ATP8A2: variants seen among roughly 807,000 people sequenced by gnomAD.
The protein encoded by ATP8A2 is ATPase phospholipid transporting 8A2.
ATP8A2 carries 100 observed loss-of-function variants against 165.6 expected under a neutral mutation model. That is an observed-to-expected ratio of 0.60 (90% confidence interval 0.51 to 0.71). The LOEUF is 0.71. Ranked by LOEUF, ATP8A2 falls within the 30% of genes least tolerant of loss-of-function variation. The pLI, the probability that ATP8A2 is intolerant of heterozygous loss-of-function variation, is 0.00. For synonymous variants in ATP8A2, 543 were observed against 548.8 expected (o/e 0.99, Z 0.15); for missense variants, 1,227 against 1,479.5 (o/e 0.83, Z 2.80).
intron 1 of ATP8A2, among the ~76,000 whole-genome samples, chr13:25,413,205 A>G (rs1259785076): frequency 6.6e-6 from 1 of 151,242 alleles, no homozygotes; most frequent in Non-Finnish European, 1.5e-5. Context: ...AATAGAAGTA[A>G]TTCTTCTAGT....
At chr13:25,480,709 C>T (rs1309787574) in intron 2 of ATP8A2, among the ~76,000 whole-genome samples, 3 of 148,134 alleles carry the variant, frequency 2.0e-5, no homozygotes, top group East Asian at 2.0e-4. Flanking sequence ...ACATCCCAGA[C>T]GATGGGTGGC....
intron 33 of ATP8A2, among the ~76,000 whole-genome samples, chr13:25,911,054 C>T: frequency 6.6e-6 from 1 of 151,974 alleles, no homozygotes. Context: ...CTTCATTAAA[C>T]CCTGGTGGCT....
At chr13:25,612,674 G>T (rs1316571494) in intron 24 of ATP8A2, among the ~76,000 whole-genome samples, 2 of 151,564 alleles carry the variant, frequency 1.3e-5, no homozygotes, top group African/African-American at 2.4e-5. Flanking sequence ...TATAGTTTAA[G>T]TACATTGTTT....
intron 24 of ATP8A2, among the ~76,000 whole-genome samples, chr13:25,669,086 CT>C (rs1464476806): frequency 6.6e-6 from 1 of 151,772 alleles, no homozygotes; most frequent in African/African-American, 2.4e-5. Context: ...ATGGGACATA[CT>C]TTTTTGTTTT....
At chr13:25,937,571 C>T (rs1447322867) in intron 33 of ATP8A2, among the ~76,000 whole-genome samples, 5 of 150,784 alleles carry the variant, frequency 3.3e-5, no homozygotes, top group Non-Finnish European at 5.9e-5. Context: ...CAAAGACAGG[C>T]GGGAGCGGTG....
At chr13:25,715,226 G>A (rs1287172362) in intron 25 of ATP8A2, among the ~76,000 whole-genome samples, 2 of 152,116 alleles carry the variant, frequency 1.3e-5, no homozygotes, top group Non-Finnish European at 2.9e-5. Flanking sequence ...AATCACCCAG[G>A]TCTGCAAGTC....
chr13:25,397,115 G>A (rs74425429), intron 1 of ATP8A2, among the ~76,000 whole-genome samples: 2,893 of 152,304 alleles, frequency 0.019, 90 homozygotes, highest in African/African-American at 0.066. Flanking sequence ...CGGGAACAGA[G>A]CCTAGGCTGT....
At chr13:25,682,913 C>T (rs912122836) in intron 24 of ATP8A2, among the ~76,000 whole-genome samples, 3 of 152,138 alleles carry the variant, frequency 2.0e-5, no homozygotes, top group African/African-American at 4.8e-5. Context: ...CCTTCTTTTA[C>T]ACCTAATAGG....
chr13:25,936,709 C>T (rs1434819252), intron 33 of ATP8A2, among the ~76,000 whole-genome samples: 2 of 152,112 alleles, frequency 1.3e-5, no homozygotes, highest in Admixed American at 6.5e-5. Context: ...TGACTGCCCC[C>T]GTGGGAAAAC....
chr13:25,920,588 C>G (rs1222057016), intron 33 of ATP8A2, among the ~76,000 whole-genome samples: 1 of 152,174 alleles, frequency 6.6e-6, no homozygotes, highest in East Asian at 1.9e-4. Context: ...GGTAATTTGC[C>G]AAGTCTCCTT....
chr13:26,019,637 C>A (rs534555483), intron 36 of ATP8A2, among the ~76,000 whole-genome samples: 1 of 152,264 alleles, frequency 6.6e-6, no homozygotes, highest in East Asian at 1.9e-4. Context: ...AAATAGGAAA[C>A]CTACCCTCAG....
In ATP8A2 at chr13:26,013,144, C is replaced by T. The variant is rs373638430; in HGVS notation, c.3469+522C>T. On this transcript the variant is annotated intron_variant, in intron 36 of 36. Coordinates refer to ENST00000381655, the MANE Select transcript of ATP8A2 (RefSeq NM_016529.6). ...CTCTCCACTGCCCCCGACTTTGGAG[C>T]TCAGGGGGAGCTCATGGGCTTGTTT... Among the ~76,000 whole-genome samples the T allele has an allele frequency of 2.7e-4, 41 of 151,372 alleles. No individual in the cohort carries two copies. In the East Asian group the frequency reaches 4.3e-3, roughly 16 times the overall value.
At chr13:25,419,950 C>T (rs1303807920) in intron 1 of ATP8A2, among the ~76,000 whole-genome samples, 1 of 152,038 alleles carries the variant, frequency 6.6e-6, no homozygotes, top group East Asian at 1.9e-4. Flanking sequence ...TTGAAAGGAA[C>T]AGAGAATTGA....
chr13:25,630,685 A>G (rs1432939215), intron 24 of ATP8A2, among the ~76,000 whole-genome samples: 3 of 152,230 alleles, frequency 2.0e-5, no homozygotes, highest in African/African-American at 7.2e-5. Context: ...ATGTTGATAC[A>G]TGTAAAATAT....
chr13:25,760,193 C>CTTGATGATATTGATGATATCAATA (rs2044352126), intron 25 of ATP8A2, among the ~76,000 whole-genome samples: 2 of 152,138 alleles, frequency 1.3e-5, no homozygotes, highest in African/African-American at 4.8e-5. Flanking sequence ...TCAAGTTGCC[C>CTTGATGATATTGATGATATCAATA]TCACCACTAA....
intron 27 of ATP8A2, among the ~76,000 whole-genome samples, chr13:25,779,404 G>A (rs1248878954): frequency 2.7e-5 from 4 of 150,264 alleles, no homozygotes; most frequent in African/African-American, 9.8e-5. Context: ...GTTGGGGTGG[G>A]TGGGGCAGGG....
intron 34 of ATP8A2, among the ~76,000 whole-genome samples, chr13:25,966,057 T>A: frequency 6.9e-6 from 1 of 145,552 alleles, no homozygotes. Flanking sequence ...GATGGAAAGT[T>A]CAAGATCCTT....
chr13:25,583,123 C>A (rs2039821004), intron 23 of ATP8A2, among the ~76,000 whole-genome samples: 1 of 152,146 alleles, frequency 6.6e-6, no homozygotes, highest in Non-Finnish European at 1.5e-5. Context: ...AAAATACAAA[C>A]CCAAGCTTAC....
chr13:25,882,856 T>G (rs1373787061), intron 33 of ATP8A2, among the ~76,000 whole-genome samples: 1 of 152,054 alleles, frequency 6.6e-6, no homozygotes, highest in Non-Finnish European at 1.5e-5. Context: ...TGTGTTCTTC[T>G]TAAACTGGGC....
Sources: gnomAD v4.1 joint callset for allele counts (sites outside exome capture counted in the v4.1 genomes callset) on GRCh38, gnomAD v4.1.1 for gene constraint, MANE v1.5 for transcripts, NCBI Gene and HGNC (gene_info 2026-07-23, HGNC 2026-07-21) for gene names.